PPA2: variants seen among roughly 807,000 people sequenced by gnomAD.
PPA2 encodes inorganic pyrophosphatase 2, also known as inorganic pyrophosphatase 2, mitochondrial.
PPA2 carries 48 observed loss-of-function variants against 49.5 expected under a neutral mutation model. The observed-to-expected ratio is 0.97, with a 90% CI of 0.77 to 1.23. PPA2 has a LOEUF of 1.23. PPA2 is among the 50% of genes most tolerant of loss of function. The probability of loss-of-function intolerance (pLI) is 0.00; values close to 1 mark genes in which losing one functional copy is unlikely to be tolerated. For missense variants in PPA2, 429 were observed against 410.1 expected (o/e 1.05, Z -0.40); for synonymous variants, 131 against 139.9 (o/e 0.94, Z 0.45).
At chr4:105,418,125 A>C (rs1332007112) in intron 7 of PPA2, among the ~76,000 whole-genome samples, 1 of 152,224 alleles carries the variant, frequency 6.6e-6, no homozygotes, top group South Asian at 2.1e-4. Context: ...CAAATGTTAG[A>C]GCTCTTAGGT....
At chr4:105,427,793 G>A (rs547429288) in intron 6 of PPA2, among the ~76,000 whole-genome samples, 2 of 152,310 alleles carry the variant, frequency 1.3e-5, no homozygotes, top group Admixed American at 6.5e-5. Flanking sequence ...TTATCCAGGA[G>A]AACTTCCCCA....
intron 2 of PPA2, chr4:105,456,343 T>C (rs1312520865): frequency 4.6e-6 from 2 of 438,058 alleles, no homozygotes; most frequent in Non-Finnish European, 8.9e-6. Context: ...CATGTTCACA[T>C]AGTGGCTAGC....
intron 9 of PPA2, among the ~76,000 whole-genome samples, chr4:105,392,206 T>C (rs1284599846): frequency 6.6e-6 from 1 of 151,892 alleles, no homozygotes; most frequent in Non-Finnish European, 1.5e-5. Flanking sequence ...AAATTCTCTC[T>C]GTTAATATAA....
chr4:105,443,591 T>TCACACACACA (rs56765056), intron 5 of PPA2, among the ~76,000 whole-genome samples: 43 of 145,518 alleles, frequency 3.0e-4, no homozygotes, highest in South Asian at 1.1e-3. Flanking sequence ...TATGGTGTAT[T>TCACACACACA]CACACACACA....
intron 3 of PPA2, 64 bp downstream of exon 3, chr4:105,453,534 A>G: frequency 8.2e-7 from 1 of 1,217,916 alleles, no homozygotes; most frequent in South Asian, 1.7e-5. Context: ...AATGCAAACT[A>G]TCATCAAGGT....
intron 9 of PPA2, among the ~76,000 whole-genome samples, chr4:105,391,344 C>CAAAAAAAAAAAAAAA (rs11373169): frequency 9.8e-6 from 1 of 102,512 alleles, no homozygotes; most frequent in Non-Finnish European, 1.9e-5. Context: ...CTTAAAGTAA[C>CAAAAAAAAAAAAAAA]AAAAAAAAAA....
At chr4:105,449,009 G>A (rs932974851) in intron 4 of PPA2, among the ~76,000 whole-genome samples, 1 of 126,174 alleles carries the variant, frequency 7.9e-6, no homozygotes, top group Non-Finnish European at 1.6e-5. Flanking sequence ...ACGAGGTCAG[G>A]AGATCGAGAC....
chr4:105,369,895 C>G (rs1194181904), intron 11 of PPA2, 142 bp from the exon 12 acceptor site: 1 of 727,186 alleles, frequency 1.4e-6, no homozygotes, highest in Non-Finnish European at 2.3e-6. Context: ...TTGCATTTCT[C>G]TATTTAAAGC....
chr4:105,410,255 T>C (rs1722689265), intron 7 of PPA2, among the ~76,000 whole-genome samples: 1 of 152,154 alleles, frequency 6.6e-6, no homozygotes, highest in Non-Finnish European at 1.5e-5. Context: ...GCACAAGAAC[T>C]TCATGACGCA....
intron 10 of PPA2, among the ~76,000 whole-genome samples, chr4:105,375,207 G>A (rs1384956068): frequency 6.6e-6 from 1 of 152,066 alleles, no homozygotes; most frequent in Non-Finnish European, 1.5e-5. Flanking sequence ...TAAATGGCTA[G>A]TAGCTAAGTA....
At position 105,424,258 on chromosome 4, in the gene PPA2, C is replaced by A; in HGVS notation, c.593G>T (p.Gly198Val). 6.2e-7 allele frequency: 1 copy of A among 1,608,608 alleles called. No individual in the cohort carries two copies. Among genetic ancestry groups the A allele is most frequent in the Non-Finnish European group, 8.5e-7 (1 of 1,178,566 alleles). ...ILGILALIDEGETDWKLIAIN... is the reference protein window; with the variant it reads ...ILGILALIDEVETDWKLIAIN... The stretch of plus-strand genomic sequence containing the variant: ...AGCAATTAATTTCCAATCTGTTTCA[C>A]CTTCATCAATAAGAGCCAAAATTCC... Residue 198 changes from glycine (G) to valine (V), a missense_variant, in exon 7 of 12, where the codon GGT (glycine) becomes GTT (valine). Physicochemically the swap from Gly to Val is moderately radical, Grantham distance 109. Transcript: ENST00000341695.
chr4:105,466,155 T>C (rs902951754), intron 1 of PPA2, among the ~76,000 whole-genome samples: 5 of 152,156 alleles, frequency 3.3e-5, no homozygotes, highest in African/African-American at 1.2e-4. Flanking sequence ...TTGGTCTTGA[T>C]TGCCATTTCT....
chr4:105,425,037 G>T (rs1266255780), intron 6 of PPA2, among the ~76,000 whole-genome samples: 1 of 152,114 alleles, frequency 6.6e-6, no homozygotes, highest in Admixed American at 6.5e-5. Context: ...GACTAAACTG[G>T]CTCTCAAACA....
Position 105,385,446 on chromosome 4 carries a change from A to G in PPA2, c.939+1121T>C, listed in dbSNP as rs542797255. On this transcript the variant is annotated intron_variant, in intron 10 of 11. Transcript: ENST00000341695. ...AAAACAAACAAACAACAACAAAAAA[A>G]CAAACAAAAAAAACAATAAATTAAA... is the stretch of plus-strand genomic sequence containing the variant. Among the ~76,000 whole-genome samples the G allele has an allele frequency of 3.5e-3, 531 of 152,216 alleles. 2 individuals carry two copies. The highest frequency in any genetic ancestry group is 0.012 in the African/African-American group (497 of 41,536).
intron 5 of PPA2, among the ~76,000 whole-genome samples, chr4:105,440,906 AT>A (rs35193233): frequency 0.23 from 35,051 of 152,018 alleles, 4,703 homozygotes; most frequent in South Asian, 0.33. Context: ...ATTCTTCATG[AT>A]TTTCCTTACC....
chr4:105,389,321 G>A (rs1272893450), intron 9 of PPA2, among the ~76,000 whole-genome samples: 1 of 151,774 alleles, frequency 6.6e-6, no homozygotes, highest in Non-Finnish European at 1.5e-5. Context: ...GAGGCCCCAA[G>A]GAACTTTTAA....
intron 1 of PPA2, 59 bp downstream of exon 1, chr4:105,473,835 C>A: frequency 1.3e-6 from 2 of 1,557,196 alleles, no homozygotes; most frequent in South Asian, 1.2e-5. Context: ...GTCCCCCATT[C>A]CATCCCCCAC....
intron 10 of PPA2, among the ~76,000 whole-genome samples, chr4:105,381,607 T>C (rs1733491875): frequency 6.6e-6 from 1 of 152,102 alleles, no homozygotes; most frequent in African/African-American, 2.4e-5. Context: ...TGGCAATTTA[T>C]ATTTTAAACA....
At chr4:105,473,054 C>T (rs1012935770) in intron 1 of PPA2, among the ~76,000 whole-genome samples, 5 of 152,120 alleles carry the variant, frequency 3.3e-5, no homozygotes, top group Non-Finnish European at 7.4e-5. Flanking sequence ...AATGCAAGGC[C>T]CACTTTGATA....
Sources: gnomAD v4.1 joint callset for allele counts (sites outside exome capture counted in the v4.1 genomes callset) on GRCh38, gnomAD v4.1.1 for gene constraint, MANE v1.5 for transcripts, NCBI Gene and HGNC (gene_info 2026-07-23, HGNC 2026-07-21) for gene names.